Variants in RASAL2 observed in about 807,000 individuals in gnomAD.
RASAL2 encodes the protein ras GTPase-activating protein nGAP.
Under a neutral mutation model 128.9 loss-of-function variants are expected in RASAL2, and 58 were observed. The ratio of observed to expected loss-of-function variants is 0.45; its 90% CI spans 0.36 to 0.56. RASAL2 has a LOEUF of 0.56. Among genes scored for constraint, RASAL2 ranks in the 20% least tolerant of loss-of-function variants. The pLI, the probability that RASAL2 is intolerant of heterozygous loss-of-function variation, is 0.00. For missense variants in RASAL2, 1,360 were observed against 1,601.6 expected (o/e 0.85, Z 2.57); for synonymous variants, 561 against 580.8 (o/e 0.97, Z 0.49).
At position 178,162,477 on chromosome 1, in the gene RASAL2, TA is replaced by T. The variant is rs1456278075; in HGVS notation, c.202+67784del. On this transcript the variant is annotated intron_variant, in intron 1 of 17. Coordinates refer to ENST00000367649, the MANE Select transcript of RASAL2 (RefSeq NM_170692.4). Reference sequence around the variant, plus strand: ...ATATTAAATATATTTTATATATTTATATTTTATATAATATATATATTTTATA... The same window carrying T: ...ATATTAAATATATTTTATATATTTATTTTTATATAATATATATATTTTATA... Among the ~76,000 whole-genome samples, 19 of 124,996 alleles carry T rather than the reference TA, an allele frequency of 1.5e-4. No homozygotes were observed. The South Asian group carries it at 3.5e-3, about 23-fold the overall frequency. 82.0% of individuals were successfully genotyped at this position (124,996 alleles called of 152,430 possible). A position where few individuals can be genotyped will look rare whatever the true frequency, so the allele number is the denominator to read the frequency against.
At chr1:178,325,748 A>G (rs1193297094) in intron 3 of RASAL2, among the ~76,000 whole-genome samples, 10 of 152,214 alleles carry the variant, frequency 6.6e-5, no homozygotes, top group Admixed American at 6.5e-4. Flanking sequence ...CATCACTGAT[A>G]CAGTATAGAG....
At chr1:178,237,609 T>G (rs1382831295) in intron 1 of RASAL2, among the ~76,000 whole-genome samples, 1 of 152,218 alleles carries the variant, frequency 6.6e-6, no homozygotes, top group Non-Finnish European at 1.5e-5. Context: ...TTACATATAC[T>G]TGCATACACA....
At chr1:178,118,960 C>T (rs999163751) in intron 1 of RASAL2, among the ~76,000 whole-genome samples, 9 of 152,090 alleles carry the variant, frequency 5.9e-5, no homozygotes, top group Non-Finnish European at 1.2e-4. Flanking sequence ...CTCTGCCTCC[C>T]AGGTTCAAGT....
chr1:178,271,876 C>T (rs1666275583), intron 1 of RASAL2, among the ~76,000 whole-genome samples: 1 of 152,188 alleles, frequency 6.6e-6, no homozygotes, highest in Non-Finnish European at 1.5e-5. Flanking sequence ...AAAACTGCTT[C>T]AGCCGTAGGG....
intron 3 of RASAL2, among the ~76,000 whole-genome samples, chr1:178,389,808 A>T (rs536879855): frequency 2.6e-5 from 4 of 152,350 alleles, no homozygotes; most frequent in Non-Finnish European, 4.4e-5. Flanking sequence ...TGTGAGATGC[A>T]ACTATTAAGT....
intron 3 of RASAL2, among the ~76,000 whole-genome samples, chr1:178,322,019 G>C (rs1668813235): frequency 6.6e-6 from 1 of 151,348 alleles, no homozygotes; most frequent in Non-Finnish European, 1.5e-5. Flanking sequence ...TTTTGGTAGA[G>C]ATGGGGTCTC....
intron 1 of RASAL2, among the ~76,000 whole-genome samples, chr1:178,140,533 A>G (rs925901580): frequency 6.6e-6 from 1 of 152,038 alleles, no homozygotes; most frequent in African/African-American, 2.4e-5. Context: ...TACTGTCTCT[A>G]TAGTTTTACC....
intron 1 of RASAL2, among the ~76,000 whole-genome samples, chr1:178,132,051 T>A (rs1660138812): frequency 2.0e-5 from 3 of 151,966 alleles, no homozygotes; most frequent in African/African-American, 4.8e-5. Flanking sequence ...TCCCTCTTTC[T>A]CTTCCCTCTC....
chr1:178,390,084 T>C lies in RASAL2; in HGVS notation c.458-16T>C. 1 of 1,556,650 alleles carries C rather than the reference T, an allele frequency of 6.4e-7. No homozygotes were observed. The highest frequency in any genetic ancestry group is 1.2e-5 in the South Asian group (1 of 85,392). On this transcript the variant is annotated splice_polypyrimidine_tract_variant and intron_variant, in intron 3 of 17. Transcript: ENST00000367649. ...GGGGTTCTTAATGATGTTTCAACTT[T>C]CCTCCTTTTTTCCAGAGGTACCAGC...
intron 1 of RASAL2, among the ~76,000 whole-genome samples, chr1:178,229,590 T>C (rs1032063339): frequency 3.9e-5 from 6 of 152,124 alleles, no homozygotes; most frequent in African/African-American, 1.4e-4. Context: ...TCCCTCACTG[T>C]TCATCAATCA....
At chr1:178,455,521 GCT>G (rs1252579783) in intron 12 of RASAL2, among the ~76,000 whole-genome samples, 2 of 152,198 alleles carry the variant, frequency 1.3e-5, no homozygotes, top group Non-Finnish European at 2.9e-5. Context: ...AGACCACTTT[GCT>G]GAGGAAACAT....
In RASAL2 at chr1:178,464,323, A is replaced by T; in HGVS notation, c.3298A>T (p.Thr1100Ser). 1 of 1,613,794 alleles carries T rather than the reference A, an allele frequency of 6.2e-7. No homozygotes were observed. The highest frequency in any genetic ancestry group is 8.5e-7 in the Non-Finnish European group (1 of 1,179,796). ...DSATMSPVER[T>S]AAWVLNNGQY... ...TGCCACAATGTCCCCAGTAGAGAGG[A>T]CAGCAGCCTGGGTTCTGAACAATGG... Residue 1100 changes from threonine (T) to serine (S), a missense_variant, in exon 15 of 18, where the codon ACA becomes TCA. Physicochemically the swap from Thr to Ser is moderately conservative, Grantham distance 58. Transcript: ENST00000367649.
intron 3 of RASAL2, among the ~76,000 whole-genome samples, chr1:178,360,066 A>G (rs1251672233): frequency 2.0e-5 from 3 of 152,144 alleles, no homozygotes; most frequent in South Asian, 2.1e-4. Flanking sequence ...GCTGATCTCT[A>G]TGATGGGGAG....
In RASAL2 at chr1:178,244,493, G is replaced by A. The variant is rs193064308; in HGVS notation, c.203-39071G>A. Among the ~76,000 whole-genome samples, 368 of 152,196 alleles carry A rather than the reference G, an allele frequency of 2.4e-3. 2 individuals are homozygous for A. The highest frequency in any genetic ancestry group is 8.5e-3 in the African/African-American group (352 of 41,512). On this transcript the variant is annotated intron_variant, in intron 1 of 17. Coordinates refer to ENST00000367649, the MANE Select transcript of RASAL2 (RefSeq NM_170692.4). ...CCTGACCTTGTAATCCACCCGCCTC[G>A]GCCTCCCAAAGTGCTGGGATTACAG... is the stretch of plus-strand genomic sequence containing the variant.
chr1:178,429,254 G>C (rs547159399), intron 5 of RASAL2, among the ~76,000 whole-genome samples: 1 of 152,166 alleles, frequency 6.6e-6, no homozygotes, highest in East Asian at 1.9e-4. Flanking sequence ...AGGACTACAG[G>C]CTTATCCAAA....
chr1:178,331,731 C>T (rs543144655), intron 3 of RASAL2, among the ~76,000 whole-genome samples: 19 of 151,594 alleles, frequency 1.3e-4, no homozygotes, highest in Admixed American at 6.6e-4. Flanking sequence ...GGATTATGGG[C>T]GCCCACCACC....
At chr1:178,248,015 C>G (rs1191755977) in intron 1 of RASAL2, among the ~76,000 whole-genome samples, 1 of 152,066 alleles carries the variant, frequency 6.6e-6, no homozygotes, top group Non-Finnish European at 1.5e-5. Flanking sequence ...AGAATAAGTG[C>G]TGTGTAGTGC....
At chr1:178,452,912 G>T (rs1381799384) in intron 11 of RASAL2, among the ~76,000 whole-genome samples, 1 of 151,904 alleles carries the variant, frequency 6.6e-6, no homozygotes, top group Non-Finnish European at 1.5e-5. Context: ...AGAGCATGAA[G>T]ATAAAATTAT....
At position 178,283,631 on chromosome 1, in the gene RASAL2, G is replaced by A; in HGVS notation, c.270G>A (p.Trp90Ter). The change falls in exon 2 of 18, where the codon TGG becomes TGA. Residue 90 changes from tryptophan to a stop codon, truncating the protein, a stop_gained. Coordinates refer to ENST00000367649, the MANE Select transcript of RASAL2 (RefSeq NM_170692.4). LOFTEE classifies it high-confidence loss of function. The stretch of plus-strand genomic sequence containing the variant: ...CACCCTACACCGAGACAACAACGTG[G>A]GAGCGGAAGTATTGCATCCTCACAG... Reference protein sequence around the residue: ...GQSPYTETTTWERKYCILTDS... With the variant: ...GQSPYTETTT The A allele has an allele frequency of 1.2e-6, 2 of 1,613,804 alleles. No individual in the cohort carries two copies. The highest frequency in any genetic ancestry group is 1.7e-6 in the Non-Finnish European group (2 of 1,179,956).
Sources: allele counts gnomAD v4.1 joint callset (sites outside exome capture counted in the v4.1 genomes callset), GRCh38; gene constraint gnomAD v4.1.1; transcripts MANE v1.5; gene names NCBI Gene and HGNC (gene_info 2026-07-23, HGNC 2026-07-21).